The following FGF12 variants were observed in gnomAD, a reference collection of about 807,000 sequenced individuals.
The protein encoded by FGF12 is fibroblast growth factor 12B.
FGF12 carries 14 observed loss-of-function variants against 23.6 expected under a neutral mutation model. The ratio of observed to expected loss-of-function variants is 0.59; its 90% CI spans 0.39 to 0.93. FGF12 has a LOEUF of 0.93. FGF12 is among the 40% of genes least tolerant of loss of function. FGF12 has a pLI of 0.00. For missense variants in FGF12, 175 were observed against 217.8 expected (o/e 0.80, Z 1.24); for synonymous variants, 62 against 77.3 (o/e 0.80, Z 1.04).
At chr3:192,252,101 C>T (rs551962898) in intron 4 of FGF12, among the ~76,000 whole-genome samples, 2 of 151,924 alleles carry the variant, frequency 1.3e-5, no homozygotes, top group African/African-American at 4.8e-5. Context: ...TTGAGAGTAA[C>T]GTGAAGTCAG....
intron 4 of FGF12, among the ~76,000 whole-genome samples, chr3:192,219,708 A>T (rs971070516): frequency 2.0e-5 from 3 of 152,226 alleles, no homozygotes; most frequent in Non-Finnish European, 4.4e-5. Flanking sequence ...GGTGAGACTC[A>T]GGAATCTGTG....
chr3:192,341,426 C>T (rs1439803435), intron 3 of FGF12, among the ~76,000 whole-genome samples: 2 of 152,124 alleles, frequency 1.3e-5, no homozygotes, highest in East Asian at 3.8e-4. Flanking sequence ...AATTTATAGA[C>T]TTGCTGCTAT....
chr3:192,532,893 T>C (rs1577039934), intron 2 of FGF12, among the ~76,000 whole-genome samples: 1 of 152,160 alleles, frequency 6.6e-6, no homozygotes. Flanking sequence ...ACTCTGACCA[T>C]ATTTATGTGG....
chr3:192,455,006 A>T (rs920468284), intron 2 of FGF12, among the ~76,000 whole-genome samples: 2 of 152,122 alleles, frequency 1.3e-5, no homozygotes, highest in African/African-American at 2.4e-5. Flanking sequence ...ATACTTTTTT[A>T]AAAAACTCCC....
intron 2 of FGF12, among the ~76,000 whole-genome samples, chr3:192,638,208 C>T (rs1000429990): frequency 9.9e-5 from 15 of 152,078 alleles, no homozygotes; most frequent in African/African-American, 3.4e-4. Context: ...ATAATGCTGA[C>T]CAACATAAAA....
At chr3:192,469,642 A>G (rs1723112711) in intron 2 of FGF12, among the ~76,000 whole-genome samples, 1 of 152,228 alleles carries the variant, frequency 6.6e-6, no homozygotes, top group Non-Finnish European at 1.5e-5. Context: ...TTTATGACCC[A>G]GAGAATCTGT....
rs188043078 is a variant in FGF12, at chr3:192,389,477, T to C, written c.14-28939A>G. ...ATACGTGCATTTTAACGCTATCCTT[T>C]CAGCATGAGCATTTCCATTTGTCTA... On this transcript the variant is annotated intron_variant, in intron 2 of 5. Coordinates refer to ENST00000445105, the MANE Select transcript of FGF12 (RefSeq NM_004113.6). 2.8e-4 allele frequency among the ~76,000 whole-genome samples: 42 copies of C among 152,348 alleles called. 1 individual carries two copies. Among genetic ancestry groups the C allele is most frequent in the Admixed American group, 2.6e-3 (40 of 15,308 alleles).
intron 2 of FGF12, among the ~76,000 whole-genome samples, chr3:192,578,266 A>G (rs1712992180): frequency 1.3e-5 from 2 of 152,200 alleles, no homozygotes; most frequent in African/African-American, 2.4e-5. Context: ...TAACTAATTT[A>G]GTCTTCCTAA....
chr3:192,425,490 G>A (rs1721663924), intron 2 of FGF12, among the ~76,000 whole-genome samples: 1 of 152,156 alleles, frequency 6.6e-6, no homozygotes. Context: ...TCAGGCTGTG[G>A]AAGTCCTCCA....
In FGF12 at chr3:192,143,432, C is replaced by T. The variant is rs1713519545; in HGVS notation, c.*577G>A. 1 of 151,848 alleles carries T rather than the reference C, an allele frequency of 6.6e-6. No individual in the cohort carries two copies. The highest frequency in any genetic ancestry group is 1.5e-5 in the Non-Finnish European group (1 of 67,934). 9.4% of individuals were successfully genotyped at this position (151,848 alleles called of 1,614,324 possible). ...ACACTTTTCTTGATGATAAATGGTT[C>T]CTGGCTATATATTTTATAGGTATTA... On this transcript the variant is annotated 3_prime_UTR_variant, in exon 6 of 6. Transcript: ENST00000445105.
intron 2 of FGF12, among the ~76,000 whole-genome samples, chr3:192,499,116 A>G (rs9862458): frequency 0.91 from 138,820 of 152,188 alleles, 63,375 homozygotes; most frequent in African/African-American, 0.95. Context: ...AACAACAGTG[A>G]TACTAAATAA....
chr3:192,624,650 T>C lies in FGF12; in HGVS notation c.13+102531A>G, dbSNP rs570717562. 2.5e-4 allele frequency among the ~76,000 whole-genome samples: 38 copies of C among 152,280 alleles called. No individual in the cohort carries two copies. The South Asian group carries it at 7.5e-3, about 30-fold the overall frequency. On this transcript the variant is annotated intron_variant, in intron 2 of 5. Transcript: ENST00000445105. ...AATAATTATATAGCATCTTCCTTGTTAAAGGACTATATTAGGAAAAAATTA... is the reference window on the plus strand; with the variant it reads ...AATAATTATATAGCATCTTCCTTGTCAAAGGACTATATTAGGAAAAAATTA...
At chr3:192,526,084 C>T in intron 2 of FGF12, among the ~76,000 whole-genome samples, 1 of 152,168 alleles carries the variant, frequency 6.6e-6, no homozygotes, top group Non-Finnish European at 1.5e-5. Flanking sequence ...AGTCACACTT[C>T]CATGTTCATG....
chr3:192,189,371 C>G (rs1427250650), intron 4 of FGF12, among the ~76,000 whole-genome samples: 1 of 152,186 alleles, frequency 6.6e-6, no homozygotes. Flanking sequence ...CAGAAATTAG[C>G]TGGCGACTGA....
chr3:192,372,458 T>C (rs1224408378), intron 2 of FGF12, among the ~76,000 whole-genome samples: 4 of 151,938 alleles, frequency 2.6e-5, no homozygotes, highest in Non-Finnish European at 4.4e-5. Flanking sequence ...GAGTGAGTTC[T>C]AGTGGTGTAA....
chr3:192,701,810 T>C (rs967549224), intron 2 of FGF12, among the ~76,000 whole-genome samples: 1 of 152,224 alleles, frequency 6.6e-6, no homozygotes, highest in African/African-American at 2.4e-5. Flanking sequence ...TCATATATAG[T>C]GAAATGATTA....
At chr3:192,663,788 G>GAA (rs1306251444) in intron 2 of FGF12, among the ~76,000 whole-genome samples, 2 of 140,178 alleles carry the variant, frequency 1.4e-5, no homozygotes, top group African/African-American at 5.2e-5. Context: ...AGATGCTAAA[G>GAA]AAAAAAAAAA....
chr3:192,667,524 C>G (rs1205489794), intron 2 of FGF12, among the ~76,000 whole-genome samples: 1 of 147,180 alleles, frequency 6.8e-6, no homozygotes, highest in Non-Finnish European at 1.5e-5. Flanking sequence ...GCAGGAGCAT[C>G]ACTAGAACCC....
At chr3:192,559,104 A>C (rs930939237) in intron 2 of FGF12, among the ~76,000 whole-genome samples, 1 of 151,920 alleles carries the variant, frequency 6.6e-6, no homozygotes, top group Admixed American at 6.6e-5. Context: ...AAATGGGACT[A>C]CATCAAACTA....
Sources: allele counts gnomAD v4.1 joint callset (sites outside exome capture counted in the v4.1 genomes callset), GRCh38; gene constraint gnomAD v4.1.1; transcripts MANE v1.5; gene names NCBI Gene and HGNC (gene_info 2026-07-23, HGNC 2026-07-21).